The following MSI2 variants were observed in gnomAD, a reference collection of about 807,000 sequenced individuals.
The protein encoded by MSI2 is RNA-binding protein Musashi homolog 2.
In MSI2, 17 loss-of-function variants were observed where a neutral mutation model predicts 45.6. That is an observed-to-expected ratio of 0.37 (90% CI 0.26 to 0.56). The LOEUF (loss-of-function observed/expected upper bound fraction) is 0.56. Among genes scored for constraint, MSI2 ranks in the 20% least tolerant of loss-of-function variants. The probability of loss-of-function intolerance (pLI) is 0.77; values close to 1 mark genes in which losing one functional copy is unlikely to be tolerated. For missense variants in MSI2, 293 were observed against 444.2 expected (o/e 0.66, Z 3.06); for synonymous variants, 156 against 158.2 (o/e 0.99, Z 0.11).
chr17:57,269,422 C>G (rs1046698433), intron 5 of MSI2, among the ~76,000 whole-genome samples: 5 of 152,204 alleles, frequency 3.3e-5, no homozygotes, highest in Non-Finnish European at 7.3e-5. Context: ...GATGCTGTTG[C>G]CTGGAGAACT....
At chr17:57,366,340 C>A (rs1398607319) in intron 5 of MSI2, among the ~76,000 whole-genome samples, 6 of 152,242 alleles carry the variant, frequency 3.9e-5, no homozygotes, top group Non-Finnish European at 8.8e-5. Flanking sequence ...TCTCCCCCAG[C>A]CTGGGCCCTT....
At chr17:57,603,535 G>A (rs1002163982) in intron 8 of MSI2, among the ~76,000 whole-genome samples, 2 of 152,148 alleles carry the variant, frequency 1.3e-5, no homozygotes, top group African/African-American at 4.8e-5. Context: ...TGGAGGTCTC[G>A]GCCTGTTCTG....
intron 6 of MSI2, among the ~76,000 whole-genome samples, chr17:57,418,610 T>C (rs2084338936): frequency 6.6e-6 from 1 of 152,220 alleles, no homozygotes; most frequent in Non-Finnish European, 1.5e-5. Context: ...GTGGACGTGG[T>C]AGCCACAAGC....
At chr17:57,281,359 T>C (rs1909401769) in intron 5 of MSI2, among the ~76,000 whole-genome samples, 1 of 152,212 alleles carries the variant, frequency 6.6e-6, no homozygotes, top group African/African-American at 2.4e-5. Context: ...TGTGGGCCAC[T>C]CTTCCCCGTC....
intron 5 of MSI2, among the ~76,000 whole-genome samples, chr17:57,371,985 A>G (rs889307574): frequency 2.0e-5 from 3 of 151,590 alleles, no homozygotes; most frequent in African/African-American, 4.8e-5. Context: ...AATTTTTTTT[A>G]TCTTACATTG....
intron 5 of MSI2, among the ~76,000 whole-genome samples, chr17:57,324,252 G>A (rs1223125423): frequency 2.6e-5 from 4 of 152,210 alleles, no homozygotes; most frequent in East Asian, 1.9e-4. Context: ...CTGAGGCAGC[G>A]CCCCGCCGGA....
intron 6 of MSI2, among the ~76,000 whole-genome samples, chr17:57,431,977 C>T (rs2084603780): frequency 6.6e-6 from 1 of 152,190 alleles, no homozygotes; most frequent in South Asian, 2.1e-4. Flanking sequence ...GTACAACTTG[C>T]TCTGTCCCTT....
At chr17:57,696,585 A>C in the MSI2 span, among the ~76,000 whole-genome samples, 1 of 152,110 alleles carries the variant, frequency 6.6e-6, no homozygotes, top group Non-Finnish European at 1.5e-5. Context: ...AAAATTAAAA[A>C]TTAATCAGGC....
At chr17:57,305,323 C>T (rs1020434893) in intron 5 of MSI2, among the ~76,000 whole-genome samples, 8 of 152,094 alleles carry the variant, frequency 5.3e-5, no homozygotes, top group South Asian at 4.1e-4. Context: ...CTGGAGCCTC[C>T]GATGTTGAGG....
At chr17:57,455,648 G>A (rs535653846) in intron 6 of MSI2, among the ~76,000 whole-genome samples, 1 of 152,270 alleles carries the variant, frequency 6.6e-6, no homozygotes, top group Non-Finnish European at 1.5e-5. Context: ...GAGAGATGTG[G>A]GGAGCAGGGG....
chr17:57,273,506 A>G (rs987728368), intron 5 of MSI2, among the ~76,000 whole-genome samples: 3 of 117,686 alleles, frequency 2.5e-5, no homozygotes, highest in African/African-American at 6.5e-5. Flanking sequence ...ACACAACTGC[A>G]GAACAGACTG....
intron 6 of MSI2, among the ~76,000 whole-genome samples, chr17:57,451,187 C>A (rs762728898): frequency 4.6e-5 from 7 of 152,128 alleles, no homozygotes; most frequent in Non-Finnish European, 1.0e-4. Context: ...GACCCTGACA[C>A]CTCTCTGAAC....
chr17:57,506,704 T>C lies in MSI2; in HGVS notation c.406-22972T>C, dbSNP rs548736540. ...AACCGTTCAAACATCTGGATGTGTT[T>C]AGCCCTTTTGATTCGAGTTGAGCAA... is the stretch of plus-strand genomic sequence containing the variant. On this transcript the variant is annotated intron_variant, in intron 6 of 13. Transcript: ENST00000284073. 2.0e-5 allele frequency among the ~76,000 whole-genome samples: 3 copies of C among 152,350 alleles called. No individual in the cohort carries two copies. In the East Asian group the frequency reaches 5.8e-4, roughly 29 times the overall value.
At chr17:57,554,351 C>G (rs1287262063) in intron 7 of MSI2, among the ~76,000 whole-genome samples, 1 of 152,044 alleles carries the variant, frequency 6.6e-6, no homozygotes, top group Non-Finnish European at 1.5e-5. Context: ...TTGTTACTTG[C>G]AAAGTCACCC....
intron 6 of MSI2, among the ~76,000 whole-genome samples, chr17:57,442,592 C>T (rs1567825688): frequency 6.6e-6 from 1 of 152,134 alleles, no homozygotes; most frequent in Non-Finnish European, 1.5e-5. Flanking sequence ...GGCCTCTCCT[C>T]GTGTGTTTCT....
At chr17:57,644,766 AC>A (rs1910526213) in intron 10 of MSI2, among the ~76,000 whole-genome samples, 1 of 152,084 alleles carries the variant, frequency 6.6e-6, no homozygotes, top group Non-Finnish European at 1.5e-5. Flanking sequence ...TTCATAATGG[AC>A]CATTCGGGGC....
At chr17:57,272,895 A>G (rs969131533) in intron 5 of MSI2, among the ~76,000 whole-genome samples, 5 of 152,188 alleles carry the variant, frequency 3.3e-5, no homozygotes, top group Non-Finnish European at 5.9e-5. Context: ...CACAGTGTGT[A>G]TTTACTGATA....
At chr17:57,324,319 G>C (rs373815480) in intron 5 of MSI2, among the ~76,000 whole-genome samples, 11 of 152,174 alleles carry the variant, frequency 7.2e-5, no homozygotes, top group Non-Finnish European at 1.5e-4. Context: ...GAGGGGTACC[G>C]CATGAGGTGG....
chr17:57,342,687 A>C (rs1598146975), intron 5 of MSI2, among the ~76,000 whole-genome samples: 2 of 152,158 alleles, frequency 1.3e-5, no homozygotes, highest in African/African-American at 4.8e-5. Context: ...TTTTGTGAAA[A>C]TTAAGTGAAT....
Sources: allele counts gnomAD v4.1 joint callset (sites outside exome capture counted in the v4.1 genomes callset), GRCh38; gene constraint gnomAD v4.1.1; transcripts MANE v1.5; gene names NCBI Gene and HGNC (gene_info 2026-07-23, HGNC 2026-07-21).